SLCO3A1: variants seen among roughly 807,000 people sequenced by gnomAD.
The protein encoded by SLCO3A1 is PGE1 transporter.
SLCO3A1 carries 27 observed loss-of-function variants against 63.1 expected under a neutral mutation model. The observed-to-expected ratio is 0.43, with a 90% CI of 0.32 to 0.59. The LOEUF (loss-of-function observed/expected upper bound fraction) is 0.59, where lower values mean the gene tolerates loss of function less well. Among genes scored for constraint, SLCO3A1 ranks in the 20% least tolerant of loss-of-function variants. The probability of loss-of-function intolerance (pLI) is 0.09; values close to 1 mark genes in which losing one functional copy is unlikely to be tolerated. For missense variants in SLCO3A1, 773 were observed against 945.8 expected (o/e 0.82, Z 2.40); for synonymous variants, 473 against 409.9 (o/e 1.15, Z -1.86).
Position 91,936,549 on chromosome 15 carries a change from G to A in SLCO3A1, c.646+20091G>A, listed in dbSNP as rs189180743. Among the ~76,000 whole-genome samples the A allele has an allele frequency of 1.8e-4, 28 of 152,272 alleles. No homozygotes were observed. The South Asian group carries it at 5.4e-3, about 29-fold the overall frequency. ...AAACTTTGAGGGATTTGATGACTGC[G>A]TGTTTTATTTTGGAACTTTTTTCCT... On this transcript the variant is annotated intron_variant, in intron 2 of 9. Transcript: ENST00000318445.
chr15:91,966,999 T>TC (rs1000560678), intron 2 of SLCO3A1, among the ~76,000 whole-genome samples: 2 of 152,144 alleles, frequency 1.3e-5, no homozygotes, highest in African/African-American at 4.8e-5. Flanking sequence ...GGGATTTTTT[T>TC]TTTTGACAGC....
In SLCO3A1 at chr15:91,954,098, A is replaced by G. The variant is rs1900087809; in HGVS notation, c.646+37640A>G. Among the ~76,000 whole-genome samples the G allele has an allele frequency of 6.6e-6, 1 of 152,216 alleles. No homozygotes were observed. Among genetic ancestry groups the G allele is most frequent in the Non-Finnish European group, 1.5e-5 (1 of 68,042 alleles). On this transcript the variant is annotated intron_variant, in intron 2 of 9. Transcript: ENST00000318445. The surrounding 1 kb of genome is among the most constrained non-coding windows in gnomAD (Gnocchi z 4.7). ...GGCGATGTCTTCACAGAGCATGTAG[A>G]AACCCCCACTCATGAGGGAAAGATT...
At chr15:92,019,075 G>GCTGATGCGCGGTT (rs2046474416) in intron 2 of SLCO3A1, among the ~76,000 whole-genome samples, 1 of 144,126 alleles carries the variant, frequency 6.9e-6, no homozygotes, top group African/African-American at 2.6e-5. Context: ...CCTGGGAGGG[G>GCTGATGCGCGGTT]CTGATGCGCG....
At chr15:91,866,918 A>G (rs1364699444) in intron 1 of SLCO3A1, among the ~76,000 whole-genome samples, 3 of 152,146 alleles carry the variant, frequency 2.0e-5, no homozygotes, top group African/African-American at 7.2e-5. Context: ...GAGATATAAA[A>G]TAATTTTCTC....
At chr15:92,150,077 T>A (rs538967515) in intron 8 of SLCO3A1, among the ~76,000 whole-genome samples, 1 of 152,242 alleles carries the variant, frequency 6.6e-6, no homozygotes, top group East Asian at 1.9e-4. Context: ...CATCGCTCAA[T>A]GAAAGTCATG....
chr15:92,080,610 A>G (rs1040210), intron 2 of SLCO3A1, among the ~76,000 whole-genome samples: 11,358 of 152,176 alleles, frequency 0.075, 894 homozygotes, highest in East Asian at 0.27. Flanking sequence ...AGACCAGCAT[A>G]AGCAAGGCCC....
At chr15:91,978,786 C>CA (rs1367066811) in intron 2 of SLCO3A1, among the ~76,000 whole-genome samples, 1 of 152,240 alleles carries the variant, frequency 6.6e-6, no homozygotes, top group Non-Finnish European at 1.5e-5. Context: ...AGGAGTCTCA[C>CA]AAAGGTTCAA....
At chr15:91,991,764 G>A (rs1182085504) in intron 2 of SLCO3A1, among the ~76,000 whole-genome samples, 1 of 152,318 alleles carries the variant, frequency 6.6e-6, no homozygotes, top group East Asian at 1.9e-4. Flanking sequence ...ATTTAGACTA[G>A]CCGCATATGA....
In SLCO3A1 at chr15:92,065,074, GT is replaced by G. The variant is rs1239590763; in HGVS notation, c.647-29804del. On this transcript the variant is annotated intron_variant, in intron 2 of 9. Transcript: ENST00000318445. ...GATATACCGGTTACCCACGTTTTTT[GT>G]TTGTTTGTTTGTTTGTTTGTTTTTG... 2.6e-5 allele frequency among the ~76,000 whole-genome samples: 4 copies of G among 151,454 alleles called. No individual in the cohort carries two copies. The South Asian group carries it at 6.3e-4, about 24-fold the overall frequency.
chr15:91,927,038 C>A (rs1899055278), intron 2 of SLCO3A1, among the ~76,000 whole-genome samples: 2 of 152,114 alleles, frequency 1.3e-5, no homozygotes, highest in South Asian at 4.1e-4. Flanking sequence ...CTGTTCAGCT[C>A]TTAGCTTGTT....
At chr15:91,957,775 G>T (rs942437810) in intron 2 of SLCO3A1, among the ~76,000 whole-genome samples, 3 of 152,166 alleles carry the variant, frequency 2.0e-5, no homozygotes, top group Non-Finnish European at 4.4e-5. Context: ...CCCACCAGAT[G>T]TAGTATTAAT....
rs1351265500 is a variant in SLCO3A1, at chr15:92,095,556, T to C, written c.745+577T>C. Among the ~76,000 whole-genome samples, 3 of 152,226 alleles carry C rather than the reference T, an allele frequency of 2.0e-5. No individual in the cohort carries two copies. The East Asian group carries it at 5.8e-4, about 29-fold the overall frequency. ...TTCTTAGCAGGAAGTGCAAGTGCAT[T>C]TCTCAGAATACCCTGAGTTCCCCAA... On this transcript the variant is annotated intron_variant, in intron 3 of 9. Coordinates refer to ENST00000318445, the MANE Select transcript of SLCO3A1 (RefSeq NM_013272.4).
At chr15:91,907,926 G>A (rs1226694823) in intron 1 of SLCO3A1, among the ~76,000 whole-genome samples, 1 of 152,074 alleles carries the variant, frequency 6.6e-6, no homozygotes, top group Non-Finnish European at 1.5e-5. Context: ...GGTGTAGAGA[G>A]GGCAGTACAG....
At chr15:92,020,506 T>C (rs919313840) in intron 2 of SLCO3A1, among the ~76,000 whole-genome samples, 1 of 152,252 alleles carries the variant, frequency 6.6e-6, no homozygotes, top group African/African-American at 2.4e-5. Flanking sequence ...CTAACTAGCA[T>C]TGAAAATCAA....
intron 2 of SLCO3A1, among the ~76,000 whole-genome samples, chr15:92,032,227 G>A (rs1193703036): frequency 6.6e-6 from 1 of 152,166 alleles, no homozygotes; most frequent in Non-Finnish European, 1.5e-5. Context: ...AAGCCCAGAG[G>A]GTCACACCAT....
rs1897065928 is a variant in SLCO3A1 at position 91,862,234 on chromosome 15, A to G, written c.180+8146A>G. Among the ~76,000 whole-genome samples, 1 of 151,568 alleles carries G rather than the reference A, an allele frequency of 6.6e-6. No individual in the cohort carries two copies. Among genetic ancestry groups the G allele is most frequent in the East Asian group, 2.0e-4 (1 of 5,128 alleles). The stretch of plus-strand genomic sequence containing the variant: ...AGTGGCATGACCTCAGCTCACTGCA[A>G]CCTCTGCCTCCCGGGTTCAAGCAAT... On this transcript the variant is annotated intron_variant, in intron 1 of 9. Transcript: ENST00000318445. This position sits in a 1 kb window ranked among gnomAD's most constrained non-coding sequence, Gnocchi z 4.0.
chr15:92,080,489 A>G (rs2047330552), intron 2 of SLCO3A1, among the ~76,000 whole-genome samples: 1 of 152,090 alleles, frequency 6.6e-6, no homozygotes, highest in Non-Finnish European at 1.5e-5. Context: ...AGGATGAGAG[A>G]AAATCTAGGA....
intron 7 of SLCO3A1, among the ~76,000 whole-genome samples, chr15:92,131,555 G>A (rs1322554946): frequency 6.9e-6 from 1 of 144,366 alleles, no homozygotes; most frequent in Non-Finnish European, 1.5e-5. Context: ...TGGTAGAGAC[G>A]GGGTTTTTCA....
At chr15:91,857,774 G>A (rs1316993228) in intron 1 of SLCO3A1, among the ~76,000 whole-genome samples, 2 of 152,102 alleles carry the variant, frequency 1.3e-5, no homozygotes, top group Admixed American at 6.6e-5. Context: ...ATAAGGGTGT[G>A]TACAGGAAAT....
Sources: gnomAD v4.1 joint callset for allele counts (sites outside exome capture counted in the v4.1 genomes callset) on GRCh38, gnomAD v4.1.1 for gene constraint, Gnocchi (gnomAD v3.1) non-coding constraint, MANE v1.5 for transcripts, NCBI Gene and HGNC (gene_info 2026-07-23, HGNC 2026-07-21) for gene names.